CBLN2: variants seen among roughly 807,000 people sequenced by gnomAD.
CBLN2 encodes cerebellin 2 precursor, also known as cerebellin-2.
In CBLN2, 7 loss-of-function variants were observed where a neutral mutation model predicts 15.0. The observed-to-expected ratio is 0.47, with a 90% CI of 0.27 to 0.88. CBLN2 has a LOEUF of 0.88. Among genes scored for constraint, CBLN2 ranks in the 40% least tolerant of loss-of-function variants. CBLN2 has a pLI of 0.14. For synonymous variants in CBLN2, 149 were observed against 135.2 expected, an observed-to-expected ratio of 1.10 and a Z score of -0.71; for missense variants, 242 against 304.5, an observed-to-expected ratio of 0.79 and a Z score of 1.53.
intron 1 of CBLN2, among the ~76,000 whole-genome samples, chr18:72,623,237 T>C (rs1466571768): frequency 1.3e-5 from 2 of 152,118 alleles, no homozygotes; most frequent in Non-Finnish European, 2.9e-5. Flanking sequence ...GAGATTACAA[T>C]TTGACATGAG....
chr18:72,551,558 G>A (rs1056300748), intron 1 of CBLN2, among the ~76,000 whole-genome samples: 2 of 152,248 alleles, frequency 1.3e-5, no homozygotes, highest in South Asian at 2.1e-4. Context: ...CCATCCTTGC[G>A]CTCCTTGAAC....
intron 1 of CBLN2, among the ~76,000 whole-genome samples, chr18:72,572,623 T>C (rs528518071): frequency 4.6e-5 from 7 of 152,106 alleles, no homozygotes; most frequent in Non-Finnish European, 8.8e-5. Flanking sequence ...CTCACTATAT[T>C]GCCTAGGCTG....
At chr18:72,579,971 T>C (rs185424085) in intron 1 of CBLN2, among the ~76,000 whole-genome samples, 53 of 152,094 alleles carry the variant, frequency 3.5e-4, no homozygotes, top group Non-Finnish European at 1.2e-4. Context: ...TAAAGTATTT[T>C]GAAATTTAAA....
chr18:72,553,865 T>A (rs961547704), intron 1 of CBLN2, among the ~76,000 whole-genome samples: 1 of 152,210 alleles, frequency 6.6e-6, no homozygotes, highest in African/African-American at 2.4e-5. Context: ...TGATCAAAGA[T>A]CTGAACTTGG....
At chr18:72,561,830 C>T (rs780211388) in intron 1 of CBLN2, among the ~76,000 whole-genome samples, 24 of 152,150 alleles carry the variant, frequency 1.6e-4, no homozygotes, top group Non-Finnish European at 2.8e-4. Flanking sequence ...CTTAAAATTA[C>T]GTAAACATTA....
intron 1 of CBLN2, among the ~76,000 whole-genome samples, chr18:72,565,896 T>A (rs972794390): frequency 6.6e-6 from 1 of 152,152 alleles, no homozygotes; most frequent in Non-Finnish European, 1.5e-5. Flanking sequence ...AATGGGAGAA[T>A]ATATTTACAA....
chr18:72,635,676 A>G (rs1367742149), intron 1 of CBLN2, among the ~76,000 whole-genome samples: 1 of 152,200 alleles, frequency 6.6e-6, no homozygotes, highest in Non-Finnish European at 1.5e-5. Context: ...TTTGAAAACA[A>G]CAAAATTATT....
intron 1 of CBLN2, among the ~76,000 whole-genome samples, chr18:72,630,148 C>G (rs938919845): frequency 6.6e-6 from 1 of 151,982 alleles, no homozygotes; most frequent in South Asian, 2.1e-4. Flanking sequence ...ACTGTCAATC[C>G]CCTGGAAGAC....
At position 72,536,992 on chromosome 18, in the gene CBLN2, T is replaced by C. The variant is rs1322252812; in HGVS notation, c.*1184A>G. The C allele has an allele frequency of 6.6e-6, 1 of 152,586 alleles. No homozygotes were observed. Among genetic ancestry groups the C allele is most frequent in the African/African-American group, 2.4e-5 (1 of 41,442 alleles). The allele number at this position is 152,586 out of a possible 1,614,324, so 9.5% of individuals were successfully genotyped here. On this transcript the variant is annotated 3_prime_UTR_variant, in exon 5 of 5. Transcript: ENST00000269503. ...CCAGGTGCATGCAGGAGAGTGTCAA[T>C]GCATCCCTTTCCTGGGCAGATCAAA... is the stretch of plus-strand genomic sequence containing the variant.
chr18:72,568,260 T>C (rs2069309464), intron 1 of CBLN2, among the ~76,000 whole-genome samples: 1 of 152,232 alleles, frequency 6.6e-6, no homozygotes, highest in African/African-American at 2.4e-5. Flanking sequence ...TTCTCAAACT[T>C]TGGTCTCAGG....
chr18:72,606,341 T>C (rs1314595522), intron 1 of CBLN2, among the ~76,000 whole-genome samples: 1 of 152,200 alleles, frequency 6.6e-6, no homozygotes, highest in East Asian at 1.9e-4. Flanking sequence ...TAATGACAGA[T>C]TGGCATATTA....
At chr18:72,561,716 C>T (rs1292175217) in intron 1 of CBLN2, among the ~76,000 whole-genome samples, 1 of 152,166 alleles carries the variant, frequency 6.6e-6, no homozygotes, top group African/African-American at 2.4e-5. Context: ...TAAAAGGCAG[C>T]CTTCTTTTCT....
chr18:72,542,665 G>A (rs934266120), intron 2 of CBLN2, among the ~76,000 whole-genome samples: 7 of 152,074 alleles, frequency 4.6e-5, no homozygotes, highest in African/African-American at 1.7e-4. Flanking sequence ...GGGCTAAGAC[G>A]CAGGCAAAGA....
chr18:72,553,458 TGATAGATA>T (rs5826203), intron 1 of CBLN2, among the ~76,000 whole-genome samples: 1,761 of 148,900 alleles, frequency 0.012, 12 homozygotes, highest in African/African-American at 0.014. Flanking sequence ...TAACAATTTG[TGATAGATA>T]GATAGATAGA....
intron 1 of CBLN2, among the ~76,000 whole-genome samples, chr18:72,599,617 T>C (rs1379249301): frequency 1.3e-5 from 2 of 152,216 alleles, no homozygotes; most frequent in African/African-American, 4.8e-5. Flanking sequence ...GTGGTTAACA[T>C]GGGACATTCA....
intron 1 of CBLN2, among the ~76,000 whole-genome samples, chr18:72,582,402 A>G (rs981949006): frequency 2.0e-5 from 3 of 152,100 alleles, no homozygotes; most frequent in Admixed American, 6.6e-5. Flanking sequence ...GGCTTCTATC[A>G]CTCAAGCTGC....
At chr18:72,635,035 G>A (rs966369096) in intron 1 of CBLN2, among the ~76,000 whole-genome samples, 1 of 152,176 alleles carries the variant, frequency 6.6e-6, no homozygotes, top group East Asian at 1.9e-4. Flanking sequence ...TGAGGGCATG[G>A]GTTGTCTGAG....
At chr18:72,614,443 A>G (rs917599076) in intron 1 of CBLN2, among the ~76,000 whole-genome samples, 22 of 152,320 alleles carry the variant, frequency 1.4e-4, no homozygotes, top group South Asian at 4.1e-4. Flanking sequence ...TTAATTCAAC[A>G]GAATTGCAAA....
At chr18:72,558,809 C>T (rs2069242118) in intron 1 of CBLN2, among the ~76,000 whole-genome samples, 1 of 152,102 alleles carries the variant, frequency 6.6e-6, no homozygotes, top group African/African-American at 2.4e-5. Context: ...AATCCCAGCA[C>T]TTTGGAAGGA....
Sources: allele counts gnomAD v4.1 joint callset (sites outside exome capture counted in the v4.1 genomes callset), GRCh38; gene constraint gnomAD v4.1.1; transcripts MANE v1.5; gene names NCBI Gene and HGNC (gene_info 2026-07-23, HGNC 2026-07-21).